NIBAN1: variants seen among roughly 807,000 people sequenced by gnomAD.
The protein encoded by NIBAN1 is niban apoptosis regulator 1, also known as protein Niban 1.
NIBAN1 carries 81 observed loss-of-function variants against 75.1 expected under a neutral mutation model. The observed-to-expected ratio is 1.08, with a 90% CI of 0.90 to 1.30. The LOEUF (loss-of-function observed/expected upper bound fraction) is 1.30, where lower values mean the gene tolerates loss of function less well. Ranked by LOEUF, NIBAN1 falls within the 50% of genes most tolerant of loss-of-function variation. NIBAN1 has a pLI of 0.00. For synonymous variants in NIBAN1, 436 were observed against 424.8 expected (o/e 1.03, Z -0.32); for missense variants, 1,133 against 1,128.1 (o/e 1.00, Z -0.06).
chr1:184,810,927 G>T (rs1211889862), intron 9 of NIBAN1, among the ~76,000 whole-genome samples: 1 of 152,232 alleles, frequency 6.6e-6, no homozygotes, highest in South Asian at 2.1e-4. Context: ...GAACACACAA[G>T]GTACCTGCAG....
intron 12 of NIBAN1, among the ~76,000 whole-genome samples, chr1:184,798,759 C>A (rs1159039999): frequency 2.0e-5 from 3 of 152,034 alleles, no homozygotes; most frequent in Admixed American, 2.0e-4. Flanking sequence ...AGTTCCCCCA[C>A]CCCACTTTCC....
At chr1:184,916,300 A>G (rs1657381334) in intron 1 of NIBAN1, among the ~76,000 whole-genome samples, 1 of 152,240 alleles carries the variant, frequency 6.6e-6, no homozygotes, top group Non-Finnish European at 1.5e-5. Context: ...GGGGAAAAAG[A>G]AAGTTGTAAT....
intron 6 of NIBAN1, 45 bp from the exon 7 acceptor site, chr1:184,823,787 T>G (rs774549443): frequency 6.5e-7 from 1 of 1,532,852 alleles, no homozygotes; most frequent in Admixed American, 1.7e-5. Context: ...CGGTGATGGC[T>G]ACATCTGAGC....
At chr1:184,830,727 C>T (rs116063713) in intron 6 of NIBAN1, among the ~76,000 whole-genome samples, 3,958 of 152,070 alleles carry the variant, frequency 0.026, 138 homozygotes, top group African/African-American at 0.078. Flanking sequence ...TGGGGCCAGG[C>T]GTGGTGGCTC....
intron 5 of NIBAN1, among the ~76,000 whole-genome samples, chr1:184,878,005 A>G (rs1396051252): frequency 1.3e-5 from 2 of 152,034 alleles, no homozygotes; most frequent in African/African-American, 4.8e-5. Context: ...ATAACCATAC[A>G]ATTTTTAGAC....
chr1:184,903,979 C>T (rs959282366), intron 1 of NIBAN1, among the ~76,000 whole-genome samples: 5 of 151,916 alleles, frequency 3.3e-5, no homozygotes, highest in Non-Finnish European at 5.9e-5. Flanking sequence ...TCACTGCAAC[C>T]TCCGCCTCCC....
chr1:184,974,199 A>C, intron 1 of NIBAN1, 103 bp downstream of exon 1: 1 of 1,192,226 alleles, frequency 8.4e-7, no homozygotes, highest in Non-Finnish European at 1.1e-6. Flanking sequence ...CCCGCGCGCT[A>C]CAGGGAGAGG....
intron 5 of NIBAN1, among the ~76,000 whole-genome samples, chr1:184,867,161 C>G (rs1471394746): frequency 1.3e-5 from 2 of 151,834 alleles, no homozygotes; most frequent in Non-Finnish European, 2.9e-5. Context: ...GTCTCTCTCT[C>G]TCTCTCTCTC....
intron 1 of NIBAN1, among the ~76,000 whole-genome samples, chr1:184,916,332 G>A (rs1386536424): frequency 1.3e-5 from 2 of 152,190 alleles, no homozygotes; most frequent in African/African-American, 2.4e-5. Flanking sequence ...TTATTTACAT[G>A]TAATGCTAAA....
intron 8 of NIBAN1, among the ~76,000 whole-genome samples, chr1:184,822,240 T>A (rs1251980785): frequency 6.6e-6 from 1 of 152,190 alleles, no homozygotes; most frequent in Non-Finnish European, 1.5e-5. Flanking sequence ...GGTGTGTTTG[T>A]TGGGTTGTAG....
At chr1:184,909,237 G>A (rs1657178558) in intron 1 of NIBAN1, among the ~76,000 whole-genome samples, 1 of 152,196 alleles carries the variant, frequency 6.6e-6, no homozygotes, top group African/African-American at 2.4e-5. Flanking sequence ...AGGAATTTCA[G>A]TGATTTCCCT....
chr1:184,806,497 A>G (rs1171469466), intron 10 of NIBAN1, among the ~76,000 whole-genome samples: 1 of 152,154 alleles, frequency 6.6e-6, no homozygotes, highest in East Asian at 1.9e-4. Flanking sequence ...ACAGTGGCTG[A>G]CATGTTCATG....
At chr1:184,817,146 T>C (rs921572190) in intron 9 of NIBAN1, among the ~76,000 whole-genome samples, 1 of 152,218 alleles carries the variant, frequency 6.6e-6, no homozygotes, top group African/African-American at 2.4e-5. Flanking sequence ...GTCCTTGTGA[T>C]AGTTGGCTGA....
At chr1:184,842,469 T>C (rs1043277424) in intron 5 of NIBAN1, among the ~76,000 whole-genome samples, 2 of 152,120 alleles carry the variant, frequency 1.3e-5, no homozygotes, top group African/African-American at 4.8e-5. Flanking sequence ...TCACTTGTGG[T>C]AAGGCCGGGC....
intron 1 of NIBAN1, among the ~76,000 whole-genome samples, chr1:184,942,644 A>G (rs933920315): frequency 1.1e-4 from 16 of 149,912 alleles, no homozygotes; most frequent in African/African-American, 3.9e-4. Context: ...CACTGAGCCC[A>G]GATTGCCCCA....
At chr1:184,884,292 C>T (rs1160978763) in intron 5 of NIBAN1, among the ~76,000 whole-genome samples, 7 of 141,858 alleles carry the variant, frequency 4.9e-5, no homozygotes, top group Non-Finnish European at 7.5e-5. Context: ...GGCGCGATCT[C>T]GGCTCACCAC....
chr1:184,938,121 T>C (rs973063438), intron 1 of NIBAN1, among the ~76,000 whole-genome samples: 2 of 152,176 alleles, frequency 1.3e-5, no homozygotes, highest in Admixed American at 1.3e-4. Context: ...TACCTACTAC[T>C]GGGAAAGTGA....
chr1:184,898,327 G>T (rs1656857870), intron 2 of NIBAN1, among the ~76,000 whole-genome samples: 1 of 151,934 alleles, frequency 6.6e-6, no homozygotes, highest in Non-Finnish European at 1.5e-5. Context: ...CTAAAATAAG[G>T]CTCTAGGCTG....
intron 4 of NIBAN1, among the ~76,000 whole-genome samples, chr1:184,886,514 T>A (rs190670405): frequency 6.6e-6 from 1 of 152,306 alleles, no homozygotes; most frequent in African/African-American, 2.4e-5. Context: ...ACAATGGGAC[T>A]TTTACCTCTT....
Sources: allele counts gnomAD v4.1 joint callset (sites outside exome capture counted in the v4.1 genomes callset), GRCh38; gene constraint gnomAD v4.1.1; transcripts MANE v1.5; gene names NCBI Gene and HGNC (gene_info 2026-07-23, HGNC 2026-07-21).